Variants in RBFOX1 observed in about 807,000 individuals in gnomAD.
The protein encoded by RBFOX1 is RNA binding fox-1 homolog 1.
A neutral mutation model predicts 57.7 loss-of-function variants in RBFOX1; 8 were observed. The ratio of observed to expected loss-of-function variants is 0.14; its 90% CI spans 0.08 to 0.25. The LOEUF (loss-of-function observed/expected upper bound fraction) is 0.25. RBFOX1 is among the 10% of genes least tolerant of loss of function. The pLI is 1.00. For missense variants in RBFOX1, 611 were observed against 548.5 expected, an observed-to-expected ratio of 1.11 and a Z score of -1.14; for synonymous variants, 326 against 222.4, an observed-to-expected ratio of 1.47 and a Z score of -4.15.
At chr16:5,860,949 T>G (rs899738842) in intron 3 of RBFOX1, among the ~76,000 whole-genome samples, 6 of 152,200 alleles carry the variant, frequency 3.9e-5, no homozygotes, top group African/African-American at 1.4e-4. Flanking sequence ...TCTGCTTTGC[T>G]CTCGCTTTTT....
At chr16:5,397,618 T>A (rs561497116) in intron 1 of RBFOX1, among the ~76,000 whole-genome samples, 1 of 152,198 alleles carries the variant, frequency 6.6e-6, no homozygotes, top group Non-Finnish European at 1.5e-5. Context: ...ATTTCTTCAA[T>A]AGATGAAAGG....
intron 1 of RBFOX1, among the ~76,000 whole-genome samples, chr16:5,461,842 G>A (rs958653364): frequency 1.3e-5 from 2 of 152,160 alleles, no homozygotes; most frequent in Admixed American, 6.5e-5. Flanking sequence ...GAAGGGCCAG[G>A]CATTTATCTT....
chr16:5,853,870 T>A (rs76209239), intron 3 of RBFOX1, among the ~76,000 whole-genome samples: 5,775 of 152,212 alleles, frequency 0.038, 153 homozygotes, highest in East Asian at 0.11. Flanking sequence ...ATTGTCCCCC[T>A]CCACCCGGCC....
rs559728032 is a variant in RBFOX1, at chr16:5,842,088, G to A, written c.319-25215G>A. On this transcript the variant is annotated intron_variant, in intron 3 of 19. Coordinates refer to the RBFOX1 transcript ENST00000641259. ...ATCTCTGCCCTGAATCATGGATTTTGTGTGTCAGGTTCCTGGAGAGAGGCC... is the reference window on the plus strand; with the variant it reads ...ATCTCTGCCCTGAATCATGGATTTTATGTGTCAGGTTCCTGGAGAGAGGCC... Among the ~76,000 whole-genome samples, 6 of 152,302 alleles carry A rather than the reference G, an allele frequency of 3.9e-5. No homozygotes were observed. The South Asian group carries it at 1.2e-3, about 32-fold the overall frequency.
chr16:7,222,827 G>C (rs1330591986), intron 4 of RBFOX1, among the ~76,000 whole-genome samples: 1 of 152,206 alleles, frequency 6.6e-6, no homozygotes, highest in Non-Finnish European at 1.5e-5. Flanking sequence ...CATCATGAAA[G>C]ACTGCAGTGT....
At chr16:5,717,922 T>C (rs1354408915) in intron 3 of RBFOX1, among the ~76,000 whole-genome samples, 2 of 152,186 alleles carry the variant, frequency 1.3e-5, no homozygotes, top group African/African-American at 4.8e-5. Flanking sequence ...GGTACAGATA[T>C]CTCTTTCTGT....
At chr16:7,541,096 A>G (rs1309023969) in intron 5 of RBFOX1, among the ~76,000 whole-genome samples, 2 of 152,192 alleles carry the variant, frequency 1.3e-5, no homozygotes, top group Non-Finnish European at 2.9e-5. Flanking sequence ...AGGCTTGTGC[A>G]GTTTATAGAC....
At chr16:7,173,288 T>A (rs1423168867) in intron 4 of RBFOX1, among the ~76,000 whole-genome samples, 1 of 152,188 alleles carries the variant, frequency 6.6e-6, no homozygotes, top group South Asian at 2.1e-4. Flanking sequence ...CAACGTGCAT[T>A]TAGAAACCAT....
At chr16:7,470,864 A>G (rs1357197630) in intron 4 of RBFOX1, among the ~76,000 whole-genome samples, 2 of 151,934 alleles carry the variant, frequency 1.3e-5, no homozygotes, top group African/African-American at 2.4e-5. Flanking sequence ...TTGAGCATAG[A>G]AAGAGTAGAT....
intron 2 of RBFOX1, among the ~76,000 whole-genome samples, chr16:6,625,253 CAGTTG>C (rs1304882513): frequency 2.7e-5 from 4 of 147,128 alleles, no homozygotes; most frequent in Admixed American, 6.8e-5. Context: ...TATTTAATTG[CAGTTG>C]AGTTAAGTGC....
At chr16:5,414,391 A>G (rs1004136937) in intron 1 of RBFOX1, among the ~76,000 whole-genome samples, 4 of 152,170 alleles carry the variant, frequency 2.6e-5, no homozygotes, top group African/African-American at 9.7e-5. Context: ...GGCTTGCTTA[A>G]AGCAGAAATG....
In RBFOX1 at chr16:7,598,745, T is replaced by A. The variant is rs201876662; in HGVS notation, c.622+1314T>A. On this transcript the variant is annotated intron_variant, in intron 9 of 15. Transcript: ENST00000550418. Reference sequence around the variant, plus strand: ...ACCTGGCATTTTTAATTGGGTTTTTTAATAAATCTATATAGAGTTCCTTTA... The same window carrying A: ...ACCTGGCATTTTTAATTGGGTTTTTAAATAAATCTATATAGAGTTCCTTTA... Among the ~76,000 whole-genome samples, 9 of 152,342 alleles carry A rather than the reference T, an allele frequency of 5.9e-5. No individual in the cohort carries two copies. In the East Asian group the frequency reaches 9.6e-4, roughly 16 times the overall value.
intron 3 of RBFOX1, among the ~76,000 whole-genome samples, chr16:6,706,144 G>A (rs1160748386): frequency 6.6e-6 from 1 of 152,158 alleles, no homozygotes; most frequent in African/African-American, 2.4e-5. Context: ...AATCTTTGTT[G>A]TGTCAGGGTT....
intron 1 of RBFOX1, among the ~76,000 whole-genome samples, chr16:6,208,146 TTA>T (rs1385128297): frequency 6.6e-6 from 1 of 152,034 alleles, no homozygotes; most frequent in Non-Finnish European, 1.5e-5. Context: ...AACATTATAA[TTA>T]TATATGTTAT....
chr16:6,827,066 G>C (rs929018578), intron 3 of RBFOX1, among the ~76,000 whole-genome samples: 1 of 152,136 alleles, frequency 6.6e-6, no homozygotes, highest in African/African-American at 2.4e-5. Flanking sequence ...TGGATAAAAA[G>C]TGAAGATTTC....
intron 4 of RBFOX1, among the ~76,000 whole-genome samples, chr16:7,286,567 A>G (rs1348852153): frequency 6.8e-6 from 1 of 148,144 alleles, no homozygotes; most frequent in African/African-American, 2.5e-5. Context: ...TCCCTGCCTC[A>G]GCCTCCTGAA....
chr16:6,869,524 T>G (rs776404543), intron 3 of RBFOX1, among the ~76,000 whole-genome samples: 1 of 151,864 alleles, frequency 6.6e-6, no homozygotes, highest in Non-Finnish European at 1.5e-5. Context: ...TATAAAAGGG[T>G]TTTATGAATC....
upstream of RBFOX1, chr16:5,239,748 G>C (rs2062115628): frequency 5.9e-6 from 3 of 507,476 alleles, no homozygotes; most frequent in South Asian, 8.3e-5. Context: ...GGCCCGCGGA[G>C]GAGCCCGCGC....
chr16:6,700,921 C>T (rs1317300910), intron 3 of RBFOX1, among the ~76,000 whole-genome samples: 1 of 152,158 alleles, frequency 6.6e-6, no homozygotes, highest in Non-Finnish European at 1.5e-5. Flanking sequence ...CCTCGGACTA[C>T]TTAACCATTG....
Sources: gnomAD v4.1 joint callset for allele counts (sites outside exome capture counted in the v4.1 genomes callset) on GRCh38, gnomAD v4.1.1 for gene constraint, MANE v1.5 for transcripts, NCBI Gene and HGNC (gene_info 2026-07-23, HGNC 2026-07-21) for gene names.